Variants in TEX26 observed in about 807,000 individuals in gnomAD.
The protein encoded by TEX26 is testis expressed 26.
In TEX26, 34 loss-of-function variants were observed where a neutral mutation model predicts 35.3. The observed-to-expected ratio is 0.96, with a 90% CI of 0.73 to 1.28. The LOEUF is 1.28. Ranked by LOEUF, TEX26 falls within the 50% of genes most tolerant of loss-of-function variation. The pLI is 0.00. For synonymous variants in TEX26, 136 were observed against 111.8 expected (o/e 1.22, Z -1.36); for missense variants, 371 against 330.1 (o/e 1.12, Z -0.96).
chr13:30,968,792 G>A (rs1566168187), intron 5 of TEX26, 93 bp from the exon 6 acceptor site: 1 of 1,207,506 alleles, frequency 8.3e-7, no homozygotes, highest in Non-Finnish European at 1.2e-6. Context: ...AGCTGGGCTG[G>A]GGGCTGTCAG....
At chr13:30,937,518 TA>T (rs76495987) in intron 1 of TEX26, among the ~76,000 whole-genome samples, 52,362 of 152,092 alleles carry the variant, frequency 0.34, 9,052 homozygotes, top group East Asian at 0.45. Context: ...AGGCTTCTTT[TA>T]CGAGTGGCAT....
chr13:30,947,094 GT>G (rs1231422862), intron 2 of TEX26, among the ~76,000 whole-genome samples: 7 of 151,988 alleles, frequency 4.6e-5, no homozygotes, highest in African/African-American at 7.2e-5. Context: ...TTTTAAACAT[GT>G]TATATGACCC....
At chr13:30,934,130 C>T (rs1953177844) in intron 1 of TEX26, among the ~76,000 whole-genome samples, 1 of 152,214 alleles carries the variant, frequency 6.6e-6, no homozygotes, top group Non-Finnish European at 1.5e-5. Flanking sequence ...TAAGAGGGTC[C>T]TAGCTGCTCA....
intron 2 of TEX26, among the ~76,000 whole-genome samples, chr13:30,946,469 C>T (rs1475882611): frequency 1.3e-5 from 2 of 151,932 alleles, no homozygotes; most frequent in African/African-American, 4.8e-5. Context: ...TAGTTTAGAT[C>T]CATTGCTGGA....
chr13:30,940,841 G>A (rs1458868820), intron 2 of TEX26, among the ~76,000 whole-genome samples: 3 of 152,090 alleles, frequency 2.0e-5, no homozygotes, highest in Non-Finnish European at 4.4e-5. Context: ...GGGAGGCAGA[G>A]GCACGAGAAT....
intron 2 of TEX26, among the ~76,000 whole-genome samples, chr13:30,944,955 G>A (rs1953648981): frequency 6.6e-6 from 1 of 151,940 alleles, no homozygotes; most frequent in Admixed American, 6.6e-5. Flanking sequence ...TATTTGTTAG[G>A]TCCATTTGTT....
chr13:30,954,682 T>G (rs1258595449), intron 3 of TEX26, among the ~76,000 whole-genome samples: 1 of 152,120 alleles, frequency 6.6e-6, no homozygotes, highest in East Asian at 1.9e-4. Flanking sequence ...GGTCTCAAAC[T>G]CCTGGGTTCA....
chr13:30,954,737 C>T (rs1012089855), intron 3 of TEX26, among the ~76,000 whole-genome samples: 15 of 152,080 alleles, frequency 9.9e-5, no homozygotes, highest in Non-Finnish European at 1.8e-4. Context: ...GGATTACAGC[C>T]GTGAGACACT....
chr13:30,958,652 G>A (rs1444011117), intron 4 of TEX26, among the ~76,000 whole-genome samples: 1 of 152,154 alleles, frequency 6.6e-6, no homozygotes, highest in Admixed American at 6.5e-5. Context: ...ATCAATCCCT[G>A]TGAGCTGTGG....
At chr13:30,965,353 G>A (rs990731297) in intron 4 of TEX26, among the ~76,000 whole-genome samples, 1 of 152,114 alleles carries the variant, frequency 6.6e-6, no homozygotes, top group African/African-American at 2.4e-5. Flanking sequence ...ATATATATTA[G>A]GATTTATTTT....
chr13:30,937,077 C>G (rs1171950397), intron 1 of TEX26: 1 of 843,634 alleles, frequency 1.2e-6, no homozygotes, highest in Non-Finnish European at 1.4e-6. Context: ...TGCATCCAAG[C>G]AGGTTAGGAT....
chr13:30,970,057 A>G (rs950140117), intron 6 of TEX26, among the ~76,000 whole-genome samples: 1 of 152,014 alleles, frequency 6.6e-6, no homozygotes, highest in African/African-American at 2.4e-5. Context: ...CCACAATCAG[A>G]AGAGCTTGCA....
intron 4 of TEX26, among the ~76,000 whole-genome samples, chr13:30,961,976 TCTCCTTAGACC>T (rs1344887519): frequency 6.6e-6 from 1 of 152,124 alleles, no homozygotes; most frequent in Non-Finnish European, 1.5e-5. Context: ...TTCCCAAACC[TCTCCTTAGACC>T]CTCAGTTTCC....
chr13:30,968,851 C>A, intron 5 of TEX26, 34 bp from the exon 6 acceptor site: 2 of 1,598,962 alleles, frequency 1.3e-6, no homozygotes, highest in South Asian at 1.1e-5. Flanking sequence ...GGGTGCCAGC[C>A]TTCCGACCTC....
chr13:30,945,732 A>G (rs960088502), intron 2 of TEX26, among the ~76,000 whole-genome samples: 1 of 151,904 alleles, frequency 6.6e-6, no homozygotes, highest in Non-Finnish European at 1.5e-5. Context: ...CTAGGTTGAG[A>G]GTTATTCCCT....
chr13:30,957,081 G>T (rs1057060906), intron 4 of TEX26, 52 bp downstream of exon 4: 2 of 1,570,048 alleles, frequency 1.3e-6, no homozygotes, highest in South Asian at 1.1e-5. Flanking sequence ...AGGCCCTGGA[G>T]TTGCAGTGGT....
At chr13:30,937,870 A>G (rs927092437) in intron 1 of TEX26, among the ~76,000 whole-genome samples, 1 of 152,242 alleles carries the variant, frequency 6.6e-6, no homozygotes, top group Admixed American at 6.5e-5. Context: ...GTTAAATTAT[A>G]AACAAGACTT....
intron 2 of TEX26, among the ~76,000 whole-genome samples, chr13:30,944,549 A>G (rs1368077701): frequency 1.3e-5 from 2 of 151,806 alleles, no homozygotes; most frequent in African/African-American, 2.4e-5. Flanking sequence ...TCAATTTGTG[A>G]TCTTTCAGAC....
At chr13:30,946,497 T>C (rs1323911360) in intron 2 of TEX26, among the ~76,000 whole-genome samples, 1 of 152,040 alleles carries the variant, frequency 6.6e-6, no homozygotes, top group Non-Finnish European at 1.5e-5. Flanking sequence ...TGTGATCTTT[T>C]GGGGATGTTA....
Sources: allele counts gnomAD v4.1 joint callset (sites outside exome capture counted in the v4.1 genomes callset), GRCh38; gene constraint gnomAD v4.1.1; transcripts MANE v1.5; gene names NCBI Gene and HGNC (gene_info 2026-07-23, HGNC 2026-07-21).